TET2: variants seen among roughly 807,000 people sequenced by gnomAD.
The protein encoded by TET2 is methylcytosine dioxygenase TET2.
A neutral mutation model predicts 142.9 loss-of-function variants in TET2; 299 were observed. That is an observed-to-expected ratio of 2.09 (90% CI 1.90 to 2.30). The LOEUF (loss-of-function observed/expected upper bound fraction) is 2.30, where lower values mean the gene tolerates loss of function less well. TET2 is among the 30% of genes most tolerant of loss of function. The pLI, the probability that TET2 is intolerant of heterozygous loss-of-function variation, is 0.00. For missense variants in TET2, 2,418 were observed against 2,378.0 expected, an observed-to-expected ratio of 1.02 and a Z score of -0.35; for synonymous variants, 819 against 849.0, an observed-to-expected ratio of 0.96 and a Z score of 0.61.
rs1731360867 is a variant in TET2, at chr4:105,279,472, G to T, written c.*2953G>T. ...CCATACTTGAAAATGCTTCTGAGTG[G>T]TGTCAACTTTACTTGAATGAATTTT... On this transcript the variant is annotated 3_prime_UTR_variant, in exon 11 of 11. Transcript: ENST00000380013. 4.3e-6 allele frequency: 1 copy of T among 232,570 alleles called. No homozygotes were observed. Among genetic ancestry groups the T allele is most frequent in the Non-Finnish European group, 8.5e-6 (1 of 117,732 alleles). 14.4% of individuals were successfully genotyped at this position (232,570 alleles called of 1,614,324 possible).
At chr4:105,199,245 T>C (rs1726290151) in intron 2 of TET2, among the ~76,000 whole-genome samples, 1 of 152,214 alleles carries the variant, frequency 6.6e-6, no homozygotes, top group Non-Finnish European at 1.5e-5. Flanking sequence ...GGCTCTCTTC[T>C]AATTGCCTGG....
At chr4:105,222,950 C>T (rs1240945835) in intron 2 of TET2, among the ~76,000 whole-genome samples, 1 of 152,150 alleles carries the variant, frequency 6.6e-6, no homozygotes, top group Non-Finnish European at 1.5e-5. Context: ...CCAGTTTTCC[C>T]AGCACCATTT....
intron 1 of TET2, among the ~76,000 whole-genome samples, chr4:105,148,184 A>AGT (rs1039915147): frequency 7.9e-5 from 12 of 152,118 alleles, no homozygotes; most frequent in Non-Finnish European, 7.4e-5. Flanking sequence ...GACATAATGA[A>AGT]GTGTGGCCTG....
chr4:105,233,479 A>G (rs1252025832), intron 2 of TET2, among the ~76,000 whole-genome samples: 1 of 152,046 alleles, frequency 6.6e-6, no homozygotes, highest in East Asian at 1.9e-4. Context: ...AGATGATTAA[A>G]GGAATATATA....
intron 1 of TET2, among the ~76,000 whole-genome samples, chr4:105,178,638 G>C (rs138056632): frequency 3.9e-4 from 59 of 152,268 alleles, no homozygotes; most frequent in Middle Eastern, 3.4e-3. Context: ...ATGGGATGTT[G>C]ATAATGGGGA....
intron 1 of TET2, among the ~76,000 whole-genome samples, chr4:105,151,164 T>G (rs562916721): frequency 1.7e-4 from 25 of 151,204 alleles, no homozygotes; most frequent in Non-Finnish European, 2.7e-4. Flanking sequence ...TACAAAAAAT[T>G]TAAAAAGTTA....
intron 4 of TET2, 175 bp downstream of exon 4, chr4:105,241,604 A>C (rs1729302619): frequency 4.4e-6 from 6 of 1,361,288 alleles, no homozygotes; most frequent in Non-Finnish European, 5.7e-6. Context: ...GAGAGTCACA[A>C]TATTTGACAG....
chr4:105,242,511 T>C, intron 4 of TET2: 1 of 1,122,590 alleles, frequency 8.9e-7, no homozygotes, highest in Non-Finnish European at 1.1e-6. Context: ...AGTTTATGTT[T>C]TAGAAGACTG....
Position 105,279,201 on chromosome 4 carries a change from T to A in TET2, c.*2682T>A, listed in dbSNP as rs1731352005. The A allele has an allele frequency of 4.3e-6, 1 of 232,326 alleles. No homozygotes were observed. Among genetic ancestry groups the A allele is most frequent in the African/African-American group, 2.2e-5 (1 of 45,302 alleles). 14.4% of individuals were successfully genotyped at this position (232,326 alleles called of 1,614,324 possible). A position where few individuals can be genotyped will look rare whatever the true frequency, so the allele number is the denominator to read the frequency against. On this transcript the variant is annotated 3_prime_UTR_variant, in exon 11 of 11. Coordinates refer to ENST00000380013, the MANE Select transcript of TET2 (RefSeq NM_001127208.3). ...TGATTACTACATGTGCATTGGTGAT[T>A]TTGATCATCCATTCTTAATATTTGA... is the stretch of plus-strand genomic sequence containing the variant.
intron 1 of TET2, among the ~76,000 whole-genome samples, chr4:105,187,321 T>C (rs1263231029): frequency 6.6e-6 from 1 of 152,230 alleles, no homozygotes; most frequent in African/African-American, 2.4e-5. Flanking sequence ...ATTTGGTTTG[T>C]CAGTTGCTGA....
chr4:105,159,959 G>A (rs1723763515), intron 1 of TET2, among the ~76,000 whole-genome samples: 1 of 151,956 alleles, frequency 6.6e-6, no homozygotes, highest in Non-Finnish European at 1.5e-5. Context: ...AGCCGAGATC[G>A]CGCCACTGCA....
rs146373819 is a variant in TET2, at chr4:105,233,979, A to C, written c.37A>C (p.Arg13=). Residue 13 remains arginine, a synonymous_variant, in exon 3 of 11, where the codon AGA becomes CGA. Transcript: ENST00000380013. The part of the protein sequence containing the change: ...QDRTNHVEGN[R]LSPFLIPSPP... ...TAGAACCAACCATGTTGAGGGCAAC[A>C]GACTAAGTCCATTCCTGATACCATC... 679 of 1,614,122 alleles carry C rather than the reference A, an allele frequency of 4.2e-4. 3 individuals carry two copies. In the African/African-American group the frequency reaches 7.6e-3, roughly 18 times the overall value.
chr4:105,275,036 C>T lies in TET2; in HGVS notation c.4538-12C>T, dbSNP rs1291483055. On this transcript the variant is annotated splice_polypyrimidine_tract_variant and intron_variant, in intron 10 of 10. Coordinates refer to ENST00000380013, the MANE Select transcript of TET2 (RefSeq NM_001127208.3). ...AGATACCTGTTTCTGTTCTCTCTTA[C>T]CCTGTCCACAGAACTTTTGCGACTT... 4 of 1,513,050 alleles carry T rather than the reference C, an allele frequency of 2.6e-6. No individual in the cohort carries two copies. In the South Asian group the frequency reaches 5.3e-5, roughly 20 times the overall value. 93.7% of individuals were successfully genotyped at this position (1,513,050 alleles called of 1,614,324 possible).
intron 8 of TET2, among the ~76,000 whole-genome samples, chr4:105,263,869 GA>G (rs1217604751): frequency 6.6e-6 from 1 of 152,116 alleles, no homozygotes; most frequent in East Asian, 1.9e-4. Flanking sequence ...TAGGAAAAGT[GA>G]AAGAGGGAGA....
intron 8 of TET2, among the ~76,000 whole-genome samples, chr4:105,263,057 C>T (rs963004529): frequency 2.0e-5 from 3 of 151,472 alleles, no homozygotes; most frequent in African/African-American, 7.3e-5. Context: ...AAAAGAATTC[C>T]TTCTTTAGTG....
In TET2 at chr4:105,240,915, G is replaced by A. The variant is rs180784384; in HGVS notation, c.3410-424G>A. On this transcript the variant is annotated intron_variant, in intron 3 of 10. Coordinates refer to ENST00000380013, the MANE Select transcript of TET2 (RefSeq NM_001127208.3). ...AAACCAAGCAATATTCTGGGGGTGGGATAGAGCAGGAAATTTTATTTTTAA... is the reference window on the plus strand; with the variant it reads ...AAACCAAGCAATATTCTGGGGGTGGAATAGAGCAGGAAATTTTATTTTTAA... 1,102 of 1,081,136 alleles carry A rather than the reference G, an allele frequency of 1.0e-3. 31 individuals carry two copies. In the Admixed American group the frequency reaches 0.042, roughly 41 times the overall value. 67.0% of individuals were successfully genotyped at this position (1,081,136 alleles called of 1,614,324 possible).
chr4:105,252,758 A>G (rs1198463564), intron 6 of TET2, among the ~76,000 whole-genome samples: 1 of 152,162 alleles, frequency 6.6e-6, no homozygotes, highest in Non-Finnish European at 1.5e-5. Context: ...CAGAAATTTT[A>G]TAGTTCTGCA....
intron 6 of TET2, among the ~76,000 whole-genome samples, chr4:105,252,114 C>T (rs1274982285): frequency 6.6e-6 from 1 of 152,144 alleles, no homozygotes; most frequent in Non-Finnish European, 1.5e-5. Flanking sequence ...TTTAATGATA[C>T]TCATTCACCA....
chr4:105,163,854 A>AGAGAGAGAGTGTGTGTGT (rs1553942671), intron 1 of TET2, among the ~76,000 whole-genome samples: 2 of 85,164 alleles, frequency 2.3e-5, no homozygotes, highest in South Asian at 4.7e-4. Flanking sequence ...AGAGAGAGAG[A>AGAGAGAGAGTGTGTGTGT]GTGTGTGTGT....
Sources: allele counts gnomAD v4.1 joint callset (sites outside exome capture counted in the v4.1 genomes callset), GRCh38; gene constraint gnomAD v4.1.1; transcripts MANE v1.5; gene names NCBI Gene and HGNC (gene_info 2026-07-23, HGNC 2026-07-21).